Variants in FUT9 observed in about 807,000 individuals in gnomAD.
The protein encoded by FUT9 is 4-galactosyl-N-acetylglucosaminide 3-alpha-L-fucosyltransferase 9.
FUT9 carries 15 observed loss-of-function variants against 29.7 expected under a neutral mutation model. That is an observed-to-expected ratio of 0.51 (90% CI 0.34 to 0.78). FUT9 has a LOEUF of 0.78. FUT9 is among the 30% of genes least tolerant of loss of function. The pLI, the probability that FUT9 is intolerant of heterozygous loss-of-function variation, is 0.01. For synonymous variants in FUT9, 169 were observed against 153.7 expected, an observed-to-expected ratio of 1.10 and a Z score of -0.74; for missense variants, 319 against 425.4, an observed-to-expected ratio of 0.75 and a Z score of 2.20.
At chr6:96,162,215 T>G (rs1282524132) in intron 2 of FUT9, among the ~76,000 whole-genome samples, 1 of 152,200 alleles carries the variant, frequency 6.6e-6, no homozygotes, top group Non-Finnish European at 1.5e-5. Context: ...AAACATGTTA[T>G]TTTGTTGTTG....
At chr6:96,143,019 G>A (rs1427085910) in intron 2 of FUT9, among the ~76,000 whole-genome samples, 1 of 152,126 alleles carries the variant, frequency 6.6e-6, no homozygotes, top group East Asian at 1.9e-4. Flanking sequence ...CTACATTTCA[G>A]AAATAAAGAG....
chr6:96,186,531 C>A (rs530464323), intron 2 of FUT9, among the ~76,000 whole-genome samples: 2 of 152,096 alleles, frequency 1.3e-5, no homozygotes, highest in Admixed American at 1.3e-4. Flanking sequence ...ACAGAACCAA[C>A]AGTAAAGAGA....
At position 96,069,867 on chromosome 6, in the gene FUT9, G is replaced by A. The variant is rs145344504; in HGVS notation, c.-97-44172G>A. ...AGGATGGTCTCAATATCTGGACCTCGTAACTTACCCTCCTCGGCCTCTCAA... is the reference window on the plus strand; with the variant it reads ...AGGATGGTCTCAATATCTGGACCTCATAACTTACCCTCCTCGGCCTCTCAA... On this transcript the variant is annotated intron_variant, in intron 1 of 2. Transcript: ENST00000302103. Among the ~76,000 whole-genome samples the A allele has an allele frequency of 8.9e-3, 1,356 of 151,996 alleles. 10 individuals are homozygous for A. The highest frequency in any genetic ancestry group is 0.021 in the Admixed American group (319 of 15,248).
chr6:96,065,460 C>T, intron 1 of FUT9, among the ~76,000 whole-genome samples: 1 of 152,126 alleles, frequency 6.6e-6, no homozygotes, highest in Non-Finnish European at 1.5e-5. Flanking sequence ...AAATTCCTGG[C>T]AACTTGCTCA....
At chr6:96,179,702 A>C (rs1773271031) in intron 2 of FUT9, among the ~76,000 whole-genome samples, 1 of 152,134 alleles carries the variant, frequency 6.6e-6, no homozygotes, top group African/African-American at 2.4e-5. Flanking sequence ...AAGAACAATA[A>C]AAATTAAGAA....
At chr6:96,146,870 TAC>T (rs902719487) in intron 2 of FUT9, among the ~76,000 whole-genome samples, 1 of 152,242 alleles carries the variant, frequency 6.6e-6, no homozygotes, top group Non-Finnish European at 1.5e-5. Flanking sequence ...AGCCCAATTG[TAC>T]AACACCAAAT....
chr6:96,166,143 T>C (rs530551599), intron 2 of FUT9, among the ~76,000 whole-genome samples: 256 of 149,354 alleles, frequency 1.7e-3, no homozygotes, highest in African/African-American at 5.8e-3. Context: ...ATTCACTTGC[T>C]TCAGAAACAA....
chr6:96,145,120 C>T (rs766180421), intron 2 of FUT9, among the ~76,000 whole-genome samples: 11 of 152,044 alleles, frequency 7.2e-5, no homozygotes, highest in East Asian at 1.9e-4. Flanking sequence ...TGCAGTGGCA[C>T]GATCTCGGCT....
intron 1 of FUT9, among the ~76,000 whole-genome samples, chr6:96,054,024 G>T (rs958402408): frequency 6.6e-6 from 1 of 152,274 alleles, no homozygotes; most frequent in South Asian, 2.1e-4. Context: ...TAAAGCACAG[G>T]ATGTCATAAG....
At chr6:96,055,459 G>A (rs1258435819) in intron 1 of FUT9, among the ~76,000 whole-genome samples, 1 of 150,802 alleles carries the variant, frequency 6.6e-6, no homozygotes, top group Non-Finnish European at 1.5e-5. Flanking sequence ...CTTTGTCAAA[G>A]ATTATATTTA....
chr6:96,023,131 C>G (rs1341162812), intron 1 of FUT9, among the ~76,000 whole-genome samples: 1 of 151,880 alleles, frequency 6.6e-6, no homozygotes, highest in Non-Finnish European at 1.5e-5. Flanking sequence ...AGTAGAATTT[C>G]CAAGTGAGGA....
At chr6:96,113,716 T>C (rs1359457035) in intron 1 of FUT9, among the ~76,000 whole-genome samples, 1 of 151,482 alleles carries the variant, frequency 6.6e-6, no homozygotes, top group Non-Finnish European at 1.5e-5. Context: ...TAGCCGGGCG[T>C]GGTGGCGGGC....
intron 1 of FUT9, chr6:96,037,226 T>C (rs1194407632): frequency 6.6e-6 from 1 of 151,996 alleles, no homozygotes; most frequent in Non-Finnish European, 1.5e-5. Flanking sequence ...TGGGTAGTGA[T>C]TGAATCAGTC....
intron 2 of FUT9, among the ~76,000 whole-genome samples, chr6:96,191,602 T>G (rs1773510104): frequency 6.6e-6 from 1 of 151,856 alleles, no homozygotes; most frequent in Admixed American, 6.6e-5. Context: ...GCTTACCAAC[T>G]AAAAAAAGTC....
chr6:96,168,238 C>T (rs969809149), intron 2 of FUT9, among the ~76,000 whole-genome samples: 2 of 152,110 alleles, frequency 1.3e-5, no homozygotes, highest in African/African-American at 2.4e-5. Flanking sequence ...AAGGATCAAG[C>T]AGGCATCTTC....
intron 1 of FUT9, among the ~76,000 whole-genome samples, chr6:96,054,435 C>A (rs557759507): frequency 6.6e-6 from 1 of 152,236 alleles, no homozygotes; most frequent in Non-Finnish European, 1.5e-5. Context: ...TTTAAGTCAG[C>A]AATTTTTGAG....
At chr6:96,187,612 T>G (rs964766231) in intron 2 of FUT9, among the ~76,000 whole-genome samples, 70 of 152,264 alleles carry the variant, frequency 4.6e-4, no homozygotes, top group African/African-American at 1.7e-3. Context: ...ACTATCACAA[T>G]ATAGTCAGTT....
rs973519733 is a variant in FUT9, at chr6:96,140,228, G to A, written c.-9+26101G>A. 2.6e-5 allele frequency among the ~76,000 whole-genome samples: 4 copies of A among 152,056 alleles called. No homozygotes were observed. The East Asian group carries it at 5.8e-4, about 22-fold the overall frequency. On this transcript the variant is annotated intron_variant, in intron 2 of 2. Coordinates refer to ENST00000302103, the MANE Select transcript of FUT9 (RefSeq NM_006581.4). ...TTCCTCATCTCCATATGACACCACC[G>A]CAGCCTGGACTTTACTGTCCATATC... is the stretch of plus-strand genomic sequence containing the variant.
At chr6:96,161,645 TA>T (rs1404875099) in intron 2 of FUT9, among the ~76,000 whole-genome samples, 3 of 152,168 alleles carry the variant, frequency 2.0e-5, no homozygotes, top group Non-Finnish European at 4.4e-5. Context: ...CACAAATACT[TA>T]CGGGATCTAA....
Sources: allele counts gnomAD v4.1 joint callset (sites outside exome capture counted in the v4.1 genomes callset), GRCh38; gene constraint gnomAD v4.1.1; transcripts MANE v1.5; gene names NCBI Gene and HGNC (gene_info 2026-07-23, HGNC 2026-07-21).